The following HNRNPH1 variants were observed in gnomAD, a reference collection of about 807,000 sequenced individuals.
HNRNPH1 encodes the protein heterogeneous nuclear ribonucleoprotein H1, also known as heterogeneous nuclear ribonucleoprotein H.
In HNRNPH1, 4 loss-of-function variants were observed where a neutral mutation model predicts 58.6. That is an observed-to-expected ratio of 0.07 (90% CI 0.03 to 0.16). The LOEUF (loss-of-function observed/expected upper bound fraction) is 0.16, where lower values mean the gene tolerates loss of function less well. Among genes scored for constraint, HNRNPH1 ranks in the 10% least tolerant of loss-of-function variants. The probability of loss-of-function intolerance (pLI) is 1.00; values close to 1 mark genes in which losing one functional copy is unlikely to be tolerated. For missense variants in HNRNPH1, 271 were observed against 564.2 expected, an observed-to-expected ratio of 0.48 and a Z score of 5.26; for synonymous variants, 192 against 189.2, an observed-to-expected ratio of 1.01 and a Z score of -0.12.
chr5:179,621,810 C>T lies in HNRNPH1; in HGVS notation c.98-413G>A, dbSNP rs374677874. 352 of 380,294 alleles carry T rather than the reference C, an allele frequency of 9.3e-4. 1 individual carries two copies. The highest frequency in any genetic ancestry group is 1.2e-3 in the Admixed American group (33 of 27,630). 23.6% of individuals were successfully genotyped at this position (380,294 alleles called of 1,614,324 possible). A position where few individuals can be genotyped will look rare whatever the true frequency, so the allele number is the denominator to read the frequency against. On this transcript the variant is annotated intron_variant, in intron 1 of 12. Coordinates refer to ENST00000356731, the Ensembl canonical transcript of HNRNPH1. ...TACCAGTAGCCACATTACGGTTTCT[C>T]ATTCAAATTCAAATTACAAGCCCAA...
At chr5:179,632,770 T>TC (rs1774952798) in intron 2 of HNRNPH1, among the ~76,000 whole-genome samples, 1 of 149,528 alleles carries the variant, frequency 6.7e-6, no homozygotes, top group Non-Finnish European at 1.5e-5. Context: ...TTTTTTTTTT[T>TC]TTTTGAGACG....
intron 10 of HNRNPH1, 180 bp from the exon 12 acceptor site, chr5:179,616,398 T>A (rs1459798562): frequency 1.2e-5 from 7 of 607,746 alleles, no homozygotes; most frequent in Non-Finnish European, 1.8e-5. Flanking sequence ...TTTGAGCCAG[T>A]CAAATATTGA....
chr5:179,629,118 A>T (rs1774628440), upstream of HNRNPH1: 1 of 149,378 alleles, frequency 6.7e-6, no homozygotes, highest in Non-Finnish European at 1.5e-5. Flanking sequence ...TAACACAGTG[A>T]AACCCCGTCT....
At chr5:179,620,926 T>C (rs1562290069) in exon 3 of HNRNPH1, 1 of 1,614,134 alleles carries the variant, frequency 6.2e-7, no homozygotes, top group Admixed American at 1.7e-5. Context: ...CCTTGCTACA[T>C]CCAAAGGGAA....
upstream of HNRNPH1, among the ~76,000 whole-genome samples, chr5:179,628,135 T>C (rs1198114053): frequency 6.6e-6 from 1 of 151,972 alleles, no homozygotes; most frequent in Non-Finnish European, 1.5e-5. Context: ...TGATTGCTTT[T>C]TAATATTTGG....
chr5:179,623,459 G>A (rs540880857), exon 1 of HNRNPH1: 406 of 195,810 alleles, frequency 2.1e-3, no homozygotes, highest in Admixed American at 4.3e-3. Context: ...AGTCGGCGCG[G>A]CCTGCAGGCC....
At chr5:179,632,238 G>A (rs1774898602) in intron 2 of HNRNPH1, among the ~76,000 whole-genome samples, 1 of 151,858 alleles carries the variant, frequency 6.6e-6, no homozygotes, top group Admixed American at 6.6e-5. Context: ...AACCCGGGAG[G>A]CGGAGCTTGC....
intron 11 of HNRNPH1, 25 bp from the exon 13 acceptor site, chr5:179,615,620 G>C: frequency 7.3e-7 from 1 of 1,366,130 alleles, no homozygotes; most frequent in South Asian, 1.2e-5. Context: ...TGTAGGGTAA[G>C]ACTATAATAC....
At chr5:179,614,254 G>GA (rs1265455568) in exon 13 of HNRNPH1, 1 of 151,908 alleles carries the variant, frequency 6.6e-6, no homozygotes, top group Admixed American at 6.6e-5. Context: ...ACAATACAAT[G>GA]AAAGATTTAA....
chr5:179,616,345 C>T (rs1769644524), intron 10 of HNRNPH1, 127 bp from the exon 12 acceptor site: 1 of 759,918 alleles, frequency 1.3e-6, no homozygotes, highest in East Asian at 2.6e-5. Flanking sequence ...CCTCTGCCTC[C>T]TTCTGCCTAC....
At chr5:179,630,454 TAAATA>T (rs1433886132) in intron 2 of HNRNPH1, among the ~76,000 whole-genome samples, 1 of 152,078 alleles carries the variant, frequency 6.6e-6, no homozygotes, top group African/African-American at 2.4e-5. Flanking sequence ...AAATGCAAAT[TAAATA>T]AAATAACGCA....
chr5:179,619,159 C>T, intron 4 of HNRNPH1, 110 bp downstream of exon 5: 1 of 953,440 alleles, frequency 1.0e-6, no homozygotes. Flanking sequence ...GGCAAAACAT[C>T]AATTACCTAG....
intron 2 of HNRNPH1, among the ~76,000 whole-genome samples, chr5:179,632,751 A>AT (rs1774949107): frequency 2.0e-5 from 1 of 50,884 alleles, no homozygotes; most frequent in African/African-American, 6.7e-5. Flanking sequence ...CAAATCAAAT[A>AT]TCTTTTTTTT....
exon 13 of HNRNPH1, chr5:179,614,624 AAC>A: frequency 2.6e-6 from 1 of 381,612 alleles, no homozygotes; most frequent in East Asian, 4.2e-5. Flanking sequence ...ACTTAAGTTT[AAC>A]AGTTATAGTT....
intron 1 of HNRNPH1, 166 bp from the exon 3 acceptor site, chr5:179,621,563 AC>A (rs961752482): frequency 2.7e-5 from 16 of 602,244 alleles, no homozygotes; most frequent in Admixed American, 6.5e-5. Context: ...TTAAAAAAAA[AC>A]AAACTCATTC....
intron 2 of HNRNPH1, 41 bp from the exon 4 acceptor site, chr5:179,621,076 GA>G: frequency 2.5e-6 from 4 of 1,603,076 alleles, no homozygotes; most frequent in Non-Finnish European, 3.4e-6. Flanking sequence ...TGGAAAATTA[GA>G]TAACAAAGTT....
At position 179,623,019 on chromosome 5, in the gene HNRNPH1, G is replaced by A; in HGVS notation, c.97+18C>T. 4 of 1,311,034 alleles carry A rather than the reference G, an allele frequency of 3.1e-6. No individual in the cohort carries two copies. The South Asian group carries it at 4.0e-5, about 13-fold the overall frequency. The allele number at this position is 1,311,034 out of a possible 1,614,324, so 81.2% of individuals were successfully genotyped here. The stretch of plus-strand genomic sequence containing the variant: ...CCCGGCCTCGAACTCGAACTCCCGC[G>A]TCCTAGTTCTAACTCACCAGAAAAA... On this transcript the variant is annotated intron_variant, in intron 1 of 12. Coordinates refer to ENST00000356731, the Ensembl canonical transcript of HNRNPH1.
chr5:179,618,388 G>A (rs13189501), intron 4 of HNRNPH1, 65 bp from the exon 6 acceptor site: 94,225 of 1,099,260 alleles, frequency 0.086, 4,488 homozygotes, highest in South Asian at 0.12. Flanking sequence ...TTTTATACAG[G>A]TATTTAGTTA....
rs139054831 is a variant in HNRNPH1 at position 179,618,320 on chromosome 5, A to G, written c.540T>C (p.Tyr180=). ...CTCTACTGCTCTTAAAGATTTCAAT[A>G]TACCTAAAGCATTGTTCATAAGGAA... Residue 180 remains tyrosine, a synonymous_variant, in exon 5 of 13, where the codon TAT becomes TAC. Coordinates refer to ENST00000356731, the Ensembl canonical transcript of HNRNPH1. 8.1e-6 allele frequency: 13 copies of G among 1,607,984 alleles called. No individual in the cohort carries two copies. The African/African-American group carries it at 1.6e-4, about 20-fold the overall frequency.
Sources: gnomAD v4.1 joint callset for allele counts (sites outside exome capture counted in the v4.1 genomes callset) on GRCh38, gnomAD v4.1.1 for gene constraint, MANE v1.5 for transcripts, NCBI Gene and HGNC (gene_info 2026-07-23, HGNC 2026-07-21) for gene names.